The following OSBPL3 variants were observed in gnomAD, a reference collection of about 807,000 sequenced individuals.
The protein encoded by OSBPL3 is oxysterol binding protein like 3.
Under a neutral mutation model 120.1 loss-of-function variants are expected in OSBPL3, and 65 were observed. The ratio of observed to expected loss-of-function variants is 0.54; its 90% CI spans 0.44 to 0.67. The LOEUF is 0.67. Among genes scored for constraint, OSBPL3 ranks in the 30% least tolerant of loss-of-function variants. The probability of loss-of-function intolerance (pLI) is 0.00; values close to 1 mark genes in which losing one functional copy is unlikely to be tolerated. For missense variants in OSBPL3, 1,004 were observed against 1,082.1 expected (o/e 0.93, Z 1.01); for synonymous variants, 416 against 402.6 (o/e 1.03, Z -0.40).
At chr7:24,926,650 C>T (rs1811087561) in intron 1 of OSBPL3, among the ~76,000 whole-genome samples, 2 of 152,290 alleles carry the variant, frequency 1.3e-5, no homozygotes, top group South Asian at 2.1e-4. Context: ...TGTATAAGGT[C>T]GCAGCTCAAA....
intron 1 of OSBPL3, among the ~76,000 whole-genome samples, chr7:24,909,635 C>G (rs1441665853): frequency 1.3e-5 from 2 of 152,096 alleles, no homozygotes; most frequent in Non-Finnish European, 2.9e-5. Context: ...AAATTAGGAA[C>G]CTTAGGTCAC....
intron 2 of OSBPL3, among the ~76,000 whole-genome samples, chr7:24,882,562 G>A (rs1803862327): frequency 6.6e-6 from 1 of 152,170 alleles, no homozygotes; most frequent in African/African-American, 2.4e-5. Context: ...AAACATATGA[G>A]TGCAGGTACC....
rs1403522927 is a variant in OSBPL3 at position 24,979,845 on chromosome 7, C to CGACA, written c.-150+37_-150+40dup. On this transcript the variant is annotated intron_variant, in intron 1 of 22. Transcript: ENST00000313367. ...GAGCCCGCGCCGCCGCCAGGCCCCC[C>CGACA]GACACCCAGGCCCCATTTAGGCGGG... 2.1e-5 allele frequency: 20 copies of CGACA among 971,582 alleles called. No homozygotes were observed. In the East Asian group the frequency reaches 2.3e-3, roughly 111 times the overall value. 60.2% of individuals were successfully genotyped at this position (971,582 alleles called of 1,614,324 possible). A position where few individuals can be genotyped will look rare whatever the true frequency, so the allele number is the denominator to read the frequency against.
chr7:24,811,683 C>T (rs1793815715), intron 19 of OSBPL3, among the ~76,000 whole-genome samples: 1 of 152,198 alleles, frequency 6.6e-6, no homozygotes, highest in Non-Finnish European at 1.5e-5. Context: ...TTTTTGTCTA[C>T]AGTATAAAGT....
At chr7:24,971,333 T>C (rs1817000780) in intron 1 of OSBPL3, among the ~76,000 whole-genome samples, 1 of 152,164 alleles carries the variant, frequency 6.6e-6, no homozygotes, top group Non-Finnish European at 1.5e-5. Context: ...AACAATTTGG[T>C]AAATGAAGCC....
In OSBPL3 at chr7:24,813,618, C is replaced by T. The variant is rs1002221718; in HGVS notation, c.2172+1441G>A. Among the ~76,000 whole-genome samples, 1 of 152,120 alleles carries T rather than the reference C, an allele frequency of 6.6e-6. No individual in the cohort carries two copies. The highest frequency in any genetic ancestry group is 1.9e-4 in the East Asian group (1 of 5,194). ...TGTCTGTCTATAATCCAGTTTGAGG[C>T]TATAATAAAGACCCCAATCCACCTC... On this transcript the variant is annotated intron_variant, in intron 19 of 22. Coordinates refer to ENST00000313367, the MANE Select transcript of OSBPL3 (RefSeq NM_015550.4). The surrounding 1 kb of genome is among the most constrained non-coding windows in gnomAD (Gnocchi z 4.5).
At chr7:24,869,970 T>C (rs542628133) in intron 5 of OSBPL3, among the ~76,000 whole-genome samples, 2 of 152,310 alleles carry the variant, frequency 1.3e-5, no homozygotes, top group Non-Finnish European at 1.5e-5. Context: ...TTGGGTACCA[T>C]CCAACAAGCA....
intron 20 of OSBPL3, 70 bp downstream of exon 20, chr7:24,809,737 T>C: frequency 6.9e-7 from 1 of 1,455,204 alleles, no homozygotes; most frequent in South Asian, 1.2e-5. Context: ...TCCTGTCCTC[T>C]GTGGCTTCTT....
chr7:24,860,895 T>C (rs1485363835), intron 10 of OSBPL3, among the ~76,000 whole-genome samples: 1 of 152,226 alleles, frequency 6.6e-6, no homozygotes, highest in African/African-American at 2.4e-5. Flanking sequence ...AACATGGGTA[T>C]AGATTTGTGT....
At chr7:24,829,781 A>C (rs1005188583) in intron 16 of OSBPL3, among the ~76,000 whole-genome samples, 1 of 151,902 alleles carries the variant, frequency 6.6e-6, no homozygotes, top group Non-Finnish European at 1.5e-5. Context: ...GGTTTTTTTT[A>C]AAATTTCAAT....
chr7:24,909,965 C>T (rs770111636), intron 1 of OSBPL3, among the ~76,000 whole-genome samples: 44 of 151,580 alleles, frequency 2.9e-4, no homozygotes, highest in Admixed American at 5.9e-4. Context: ...CCACCATGCC[C>T]GGCTAATTTT....
rs1346616367 is a variant in OSBPL3, at chr7:24,966,653, C to A, written c.-150+13233G>T. ...TGGTATCATTCCTTAATGACACACA[C>A]ACAAAACAAAATTAAAGAAGACACT... On this transcript the variant is annotated intron_variant, in intron 1 of 22. Coordinates refer to ENST00000313367, the MANE Select transcript of OSBPL3 (RefSeq NM_015550.4). This position sits in a 1 kb window ranked among gnomAD's most constrained non-coding sequence, Gnocchi z 4.8. 6.6e-6 allele frequency among the ~76,000 whole-genome samples: 1 copy of A among 152,136 alleles called. No homozygotes were observed. Among genetic ancestry groups the A allele is most frequent in the Admixed American group, 6.5e-5 (1 of 15,280 alleles).
chr7:24,868,586 A>G (rs950390109), intron 5 of OSBPL3, among the ~76,000 whole-genome samples: 2 of 152,206 alleles, frequency 1.3e-5, no homozygotes, highest in Non-Finnish European at 2.9e-5. Flanking sequence ...AATAAATGCC[A>G]GCAATATCAC....
intron 5 of OSBPL3, among the ~76,000 whole-genome samples, chr7:24,869,491 G>T (rs1419229366): frequency 6.6e-6 from 1 of 152,180 alleles, no homozygotes; most frequent in Non-Finnish European, 1.5e-5. Flanking sequence ...TTTGCAGCCA[G>T]GGGTGATTTT....
chr7:24,979,629 A>G (rs1397386517), intron 1 of OSBPL3, among the ~76,000 whole-genome samples: 1 of 151,976 alleles, frequency 6.6e-6, no homozygotes. Context: ...CTGGCGGTCA[A>G]TCCTCTGAGC....
Position 24,928,285 on chromosome 7 carries a change from A to G in OSBPL3, c.-149-35664T>C, listed in dbSNP as rs190678709. On this transcript the variant is annotated intron_variant, in intron 1 of 22. Coordinates refer to ENST00000313367, the MANE Select transcript of OSBPL3 (RefSeq NM_015550.4). ...CAGCTCACTGCAAACTCCGCCTCCC[A>G]GGTTCACGCCATTCTCCTGCCTCAG... Among the ~76,000 whole-genome samples the G allele has an allele frequency of 6.3e-3, 914 of 145,202 alleles. 18 individuals carry two copies. The highest frequency in any genetic ancestry group is 0.047 in the Admixed American group (657 of 14,066).
rs929435706 is a variant in OSBPL3 at position 24,813,427 on chromosome 7, T to A, written c.2172+1632A>T. 5.3e-5 allele frequency among the ~76,000 whole-genome samples: 8 copies of A among 152,324 alleles called. No homozygotes were observed. The highest frequency in any genetic ancestry group is 3.4e-3 in the Middle Eastern group (1 of 294). On this transcript the variant is annotated intron_variant, in intron 19 of 22. Transcript: ENST00000313367. This position sits in a 1 kb window ranked among gnomAD's most constrained non-coding sequence, Gnocchi z 4.5. ...GTGGTAGATATGGGAGTGGAGCATG[T>A]TTCCTTGCAGAAAATGTTGAGAGCA... is the stretch of plus-strand genomic sequence containing the variant.
intron 2 of OSBPL3, 45 bp downstream of exon 2, chr7:24,892,332 A>T: frequency 6.3e-7 from 1 of 1,594,888 alleles, no homozygotes. Flanking sequence ...AGCAAACTTG[A>T]TGGCTTACAT....
intron 1 of OSBPL3, among the ~76,000 whole-genome samples, chr7:24,909,422 G>A (rs1168446312): frequency 6.6e-6 from 1 of 152,202 alleles, no homozygotes; most frequent in African/African-American, 2.4e-5. Context: ...GAGCTGGGAG[G>A]TGGTGATAGC....
Sources: allele counts gnomAD v4.1 joint callset (sites outside exome capture counted in the v4.1 genomes callset), GRCh38; gene constraint gnomAD v4.1.1; non-coding constraint Gnocchi (gnomAD v3.1); transcripts MANE v1.5; gene names NCBI Gene and HGNC (gene_info 2026-07-23, HGNC 2026-07-21).